Variants in MTAP observed in about 807,000 individuals in gnomAD.
MTAP encodes the protein methylthioadenosine phosphorylase.
A neutral mutation model predicts 33.6 loss-of-function variants in MTAP; 33 were observed. The ratio of observed to expected loss-of-function variants is 0.98; its 90% CI spans 0.74 to 1.31. The LOEUF (loss-of-function observed/expected upper bound fraction) is 1.31. MTAP is among the 40% of genes most tolerant of loss of function. MTAP has a pLI of 0.00. For missense variants in MTAP, 367 were observed against 360.0 expected, an observed-to-expected ratio of 1.02 and a Z score of -0.16; for synonymous variants, 148 against 125.7, an observed-to-expected ratio of 1.18 and a Z score of -1.19.
rs750826974 is a variant in MTAP, at chr9:21,885,116, T to G, written c.147+30246T>G. 4.2e-4 allele frequency among the ~76,000 whole-genome samples: 64 copies of G among 152,154 alleles called. 1 individual carries two copies. Among genetic ancestry groups the G allele is most frequent in the Non-Finnish European group, 2.8e-4 (19 of 68,022 alleles). Reference sequence around the variant, plus strand: ...TATGATTCATACTTTATATATAAATTTTATGTGCTTTTCTGTCTATATGTG... The same window carrying G: ...TATGATTCATACTTTATATATAAATGTTATGTGCTTTTCTGTCTATATGTG... On this transcript the variant is annotated intron_variant, in intron 1 of 1. Coordinates refer to the MTAP transcript ENST00000577563.
intron 1 of MTAP, among the ~76,000 whole-genome samples, chr9:21,926,737 C>T (rs560824380): frequency 3.0e-4 from 45 of 152,260 alleles, no homozygotes; most frequent in Middle Eastern, 3.4e-3. Flanking sequence ...TGCTCCCCTA[C>T]AAGAGAGTTA....
At position 21,863,256 on chromosome 9, in the gene MTAP, T is replaced by A. The variant is rs1134879; in HGVS notation, c.*1242T>A. On this transcript the variant is annotated 3_prime_UTR_variant, in exon 8 of 8. Coordinates refer to ENST00000644715, the MANE Select transcript of MTAP (RefSeq NM_002451.4). ...TTTTATACGAGTTGGTAATTTTTGC[T>A]TTTTAATAAAGTGGAAGCTTGCTTT... The A allele has an allele frequency of 2.0e-6, 2 of 981,680 alleles. No individual in the cohort carries two copies. Among genetic ancestry groups the A allele is most frequent in the Non-Finnish European group, 2.4e-6 (2 of 826,496 alleles). 60.8% of individuals were successfully genotyped at this position (981,680 alleles called of 1,614,324 possible). A position where few individuals can be genotyped will look rare whatever the true frequency, so the allele number is the denominator to read the frequency against.
chr9:21,931,397 A>G (rs899986016), downstream of MTAP: 1 of 483,430 alleles, frequency 2.1e-6, no homozygotes, highest in South Asian at 4.0e-5. Context: ...GGTGAGCATC[A>G]GATGATCATC....
At chr9:21,867,496 T>A (rs576897780), downstream of MTAP, among the ~76,000 whole-genome samples, 2 of 152,288 alleles carry the variant, frequency 1.3e-5, no homozygotes, top group East Asian at 3.9e-4. Context: ...CTTGCATTCC[T>A]GATATAAACC....
At chr9:21,818,296 G>T in intron 4 of MTAP, 94 bp downstream of exon 4, 1 of 1,011,760 alleles carries the variant, frequency 9.9e-7, no homozygotes, top group African/African-American at 1.7e-5. Flanking sequence ...AACTGGGAGG[G>T]CAGTGCCACA....
Position 21,866,151 on chromosome 9 carries a change from C to T in MTAP, c.*4137C>T, listed in dbSNP as rs1037709179. The T allele has an allele frequency of 3.9e-5, 6 of 152,106 alleles. No homozygotes were observed. The highest frequency in any genetic ancestry group is 1.4e-4 in the African/African-American group (6 of 41,404). 9.4% of individuals were successfully genotyped at this position (152,106 alleles called of 1,614,324 possible). A position where few individuals can be genotyped will look rare whatever the true frequency, so the allele number is the denominator to read the frequency against. On this transcript the variant is annotated 3_prime_UTR_variant, in exon 8 of 8. Transcript: ENST00000644715. ...CATTTTTCTGATTAAAGATGTTGAA[C>T]TTCTTTTCATGTGCTTATTGGCCAT...
intron 1 of MTAP, among the ~76,000 whole-genome samples, chr9:21,914,995 T>TTTTCTTTC (rs1287365415): frequency 1.5e-5 from 2 of 133,368 alleles, no homozygotes; most frequent in African/African-American, 6.3e-5. Flanking sequence ...CAATACTTTG[T>TTTTCTTTC]TTTCTTTCCT....
intron 1 of MTAP, among the ~76,000 whole-genome samples, chr9:21,915,249 C>T (rs570489860): frequency 2.9e-4 from 44 of 151,336 alleles, no homozygotes; most frequent in Admixed American, 9.9e-4. Context: ...CCACCACGCC[C>T]GGCTAATTTT....
At chr9:21,842,902 C>T (rs569786469) in intron 5 of MTAP, among the ~76,000 whole-genome samples, 2 of 152,236 alleles carry the variant, frequency 1.3e-5, no homozygotes, top group South Asian at 4.1e-4. Flanking sequence ...TAGAACAGTA[C>T]CTCACATCCC....
intron 5 of MTAP, among the ~76,000 whole-genome samples, chr9:21,851,402 TTC>T (rs1825508699): frequency 6.6e-6 from 1 of 152,256 alleles, no homozygotes. Flanking sequence ...TCATTGTATT[TTC>T]TTTCTCCTTT....
downstream of MTAP, chr9:21,935,587 G>A (rs942703968): frequency 2.6e-5 from 4 of 152,090 alleles, no homozygotes; most frequent in African/African-American, 9.7e-5. Flanking sequence ...TCATACTCAT[G>A]TCTCTCTGGG....
intron 1 of MTAP, among the ~76,000 whole-genome samples, chr9:21,914,459 G>A (rs1174367863): frequency 6.6e-6 from 1 of 152,044 alleles, no homozygotes; most frequent in Non-Finnish European, 1.5e-5. Flanking sequence ...CCATAAAAAA[G>A]GATGAGTTCA....
intron 1 of MTAP, among the ~76,000 whole-genome samples, chr9:21,924,701 A>G (rs1818838972): frequency 6.6e-6 from 1 of 152,050 alleles, no homozygotes; most frequent in African/African-American, 2.4e-5. Context: ...GCCCCATTAT[A>G]TCCAAGTCTC....
At chr9:21,855,575 C>G (rs1417548803) in intron 6 of MTAP, among the ~76,000 whole-genome samples, 1 of 152,044 alleles carries the variant, frequency 6.6e-6, no homozygotes, top group African/African-American at 2.4e-5. Context: ...GGATGCAATA[C>G]AGTAGGGCCA....
rs542886562 is a variant in MTAP at position 21,895,893 on chromosome 9, G to C, written c.148-35115G>C. On this transcript the variant is annotated intron_variant, in intron 1 of 1. Transcript: ENST00000577563. ...ATTCCACCTCTGGGAATTGAACTCA[G>C]CTCTGCACCAAGCGGACCTAATAGA... 5.9e-5 allele frequency among the ~76,000 whole-genome samples: 9 copies of C among 152,284 alleles called. No individual in the cohort carries two copies. In the South Asian group the frequency reaches 1.7e-3, roughly 28 times the overall value.
At chr9:21,829,495 G>T (rs1052455295) in intron 4 of MTAP, among the ~76,000 whole-genome samples, 1 of 149,986 alleles carries the variant, frequency 6.7e-6, no homozygotes, top group Non-Finnish European at 1.5e-5. Flanking sequence ...ATGCAATCTC[G>T]GCTCACTGCA....
chr9:21,802,944 G>A, intron 1 of MTAP, 163 bp downstream of exon 1: 1 of 1,391,688 alleles, frequency 7.2e-7, no homozygotes, highest in Non-Finnish European at 9.2e-7. Context: ...TGCCGCGCGA[G>A]GAGAGGGTAC....
In MTAP at chr9:21,904,468, C is replaced by T. The variant is rs568382261; in HGVS notation, c.148-26540C>T. ...AGGGACCATGCTCTTCCCTTCCCAG[C>T]ACTCCCATATCAATAGTATCATCAA... is the stretch of plus-strand genomic sequence containing the variant. On this transcript the variant is annotated intron_variant, in intron 1 of 1. Coordinates refer to the MTAP transcript ENST00000577563. 5.9e-5 allele frequency among the ~76,000 whole-genome samples: 9 copies of T among 152,252 alleles called. No homozygotes were observed. The South Asian group carries it at 1.7e-3, about 28-fold the overall frequency.
At chr9:21,844,383 G>A (rs923283449) in intron 5 of MTAP, among the ~76,000 whole-genome samples, 1 of 152,132 alleles carries the variant, frequency 6.6e-6, no homozygotes, top group African/African-American at 2.4e-5. Flanking sequence ...ATTCTGTGAA[G>A]CCAGTATCCC....
Sources: gnomAD v4.1 joint callset for allele counts (sites outside exome capture counted in the v4.1 genomes callset) on GRCh38, gnomAD v4.1.1 for gene constraint, MANE v1.5 for transcripts, NCBI Gene and HGNC (gene_info 2026-07-23, HGNC 2026-07-21) for gene names.